CSMD1: variants seen among roughly 807,000 people sequenced by gnomAD.
CSMD1 encodes the protein CUB and Sushi multiple domains 1.
In CSMD1, 213 loss-of-function variants were observed where a neutral mutation model predicts 417.5. The ratio of observed to expected loss-of-function variants is 0.51; its 90% CI spans 0.46 to 0.57. CSMD1 has a LOEUF of 0.57. Ranked by LOEUF, CSMD1 falls within the 20% of genes least tolerant of loss-of-function variation. CSMD1 has a pLI of 0.00. For missense variants in CSMD1, 6,923 were observed against 4,529.7 expected, an observed-to-expected ratio of 1.53 and a Z score of -15.17; for synonymous variants, 2,862 against 1,736.8, an observed-to-expected ratio of 1.65 and a Z score of -16.11.
intron 41 of CSMD1, among the ~76,000 whole-genome samples, chr8:3,133,685 G>A (rs183733051): frequency 1.3e-5 from 2 of 152,238 alleles, no homozygotes; most frequent in East Asian, 1.9e-4. Context: ...TAGGCGAAGA[G>A]ACAGGAGGCT....
intron 25 of CSMD1, among the ~76,000 whole-genome samples, chr8:3,294,351 G>C (rs1803804010): frequency 6.6e-6 from 1 of 152,198 alleles, no homozygotes; most frequent in Admixed American, 6.5e-5. Flanking sequence ...CTTCAAAGCT[G>C]TCAGACAGGG....
chr8:4,742,619 A>G (rs1810694910), intron 1 of CSMD1, among the ~76,000 whole-genome samples: 1 of 152,130 alleles, frequency 6.6e-6, no homozygotes, highest in South Asian at 2.1e-4. Context: ...TTTTATTAAT[A>G]CTGCTTCTAT....
intron 3 of CSMD1, among the ~76,000 whole-genome samples, chr8:4,258,216 A>C (rs546017618): frequency 2.0e-5 from 3 of 149,286 alleles, no homozygotes; most frequent in Non-Finnish European, 4.4e-5. Flanking sequence ...AAGTTCTGAG[A>C]TTAAAGGCAT....
At chr8:4,904,193 A>G (rs1805084638) in intron 1 of CSMD1, among the ~76,000 whole-genome samples, 1 of 152,144 alleles carries the variant, frequency 6.6e-6, no homozygotes, top group African/African-American at 2.4e-5. Flanking sequence ...CTCTGGTCAT[A>G]ACATGATGAC....
chr8:3,351,427 A>G lies in CSMD1; in HGVS notation c.3305-3266T>C, dbSNP rs373767295. On this transcript the variant is annotated intron_variant, in intron 21 of 69. Transcript: ENST00000635120. ...GGAGTTGAAGACCAGCCTGGCCAAC[A>G]TGGTGAAATCCCGTCTCTACTAAAA... Among the ~76,000 whole-genome samples, 278 of 152,144 alleles carry G rather than the reference A, an allele frequency of 1.8e-3. 1 individual carries two copies. Among genetic ancestry groups the G allele is most frequent in the Non-Finnish European group, 1.9e-3 (129 of 67,986 alleles).
chr8:4,824,027 C>T (rs1227355515), intron 1 of CSMD1, among the ~76,000 whole-genome samples: 1 of 151,756 alleles, frequency 6.6e-6, no homozygotes, highest in Non-Finnish European at 1.5e-5. Flanking sequence ...CATGCACACA[C>T]AAACATCCAT....
At chr8:4,161,826 T>C (rs565477346) in intron 3 of CSMD1, among the ~76,000 whole-genome samples, 1 of 152,336 alleles carries the variant, frequency 6.6e-6, no homozygotes, top group African/African-American at 2.4e-5. Flanking sequence ...ATCTGCTATA[T>C]GATATGTCAC....
chr8:3,291,036 G>A (rs190467559), intron 25 of CSMD1, among the ~76,000 whole-genome samples: 5 of 151,994 alleles, frequency 3.3e-5, no homozygotes, highest in Non-Finnish European at 7.4e-5. Context: ...TAGCATGAAG[G>A]GTTGTTGAAT....
chr8:3,491,614 G>C (rs984181624), intron 11 of CSMD1, among the ~76,000 whole-genome samples: 1 of 152,182 alleles, frequency 6.6e-6, no homozygotes, highest in Admixed American at 6.5e-5. Context: ...GAATGAAGGA[G>C]TCGTGTCCCT....
At chr8:3,925,697 C>T (rs114755771) in intron 5 of CSMD1, among the ~76,000 whole-genome samples, 2,583 of 152,048 alleles carry the variant, frequency 0.017, 79 homozygotes, top group African/African-American at 0.059. Context: ...GCCACCACCA[C>T]GTAAGAAGTG....
intron 22 of CSMD1, 21 bp downstream of exon 22, chr8:3,347,971 G>A (rs1808123977): frequency 1.3e-6 from 2 of 1,534,066 alleles, no homozygotes; most frequent in South Asian, 1.3e-5. Flanking sequence ...GAGTCATCAT[G>A]TTGGAGAAGA....
In CSMD1 at chr8:4,303,143, T is replaced by C. The variant is rs905638272; in HGVS notation, c.415+116810A>G. Among the ~76,000 whole-genome samples, 62 of 152,158 alleles carry C rather than the reference T, an allele frequency of 4.1e-4. 1 individual carries two copies. The highest frequency in any genetic ancestry group is 5.9e-4 in the Non-Finnish European group (40 of 68,022). On this transcript the variant is annotated intron_variant, in intron 3 of 69. Coordinates refer to ENST00000635120, the MANE Select transcript of CSMD1 (RefSeq NM_033225.6). ...GGACATTATGATTTTCTCTAGGAAC[T>C]AAAACTTCCCTCAAACATATAATAG...
chr8:4,307,555 G>C (rs889101462), intron 3 of CSMD1, among the ~76,000 whole-genome samples: 1 of 152,140 alleles, frequency 6.6e-6, no homozygotes, highest in Non-Finnish European at 1.5e-5. Context: ...ATTTTAAAAT[G>C]TTGCCTCTGC....
chr8:4,749,183 AT>A (rs1811149478), intron 1 of CSMD1, among the ~76,000 whole-genome samples: 1 of 152,242 alleles, frequency 6.6e-6, no homozygotes, highest in Admixed American at 6.5e-5. Flanking sequence ...ATTGATTGAT[AT>A]GGATTAGAAT....
chr8:3,798,993 C>T (rs929606823), intron 5 of CSMD1, among the ~76,000 whole-genome samples: 8 of 151,744 alleles, frequency 5.3e-5, no homozygotes, highest in Non-Finnish European at 7.4e-5. Flanking sequence ...ATAAATATGC[C>T]ATATAAATGT....
chr8:4,013,355 G>A (rs752660627), intron 4 of CSMD1, among the ~76,000 whole-genome samples: 25 of 152,124 alleles, frequency 1.6e-4, no homozygotes, highest in Non-Finnish European at 2.9e-4. Context: ...ACACCTGGTT[G>A]ATCCCTCTGT....
intron 1 of CSMD1, among the ~76,000 whole-genome samples, chr8:4,833,209 G>C (rs1295781294): frequency 6.6e-6 from 1 of 152,176 alleles, no homozygotes; most frequent in East Asian, 1.9e-4. Flanking sequence ...AATTTATAAA[G>C]AAAAGTGGAT....
chr8:3,140,328 TCTC>T (rs1328877193), intron 41 of CSMD1, among the ~76,000 whole-genome samples: 10 of 94,276 alleles, frequency 1.1e-4, no homozygotes, highest in African/African-American at 4.9e-4. Flanking sequence ...TCTCTGATGT[TCTC>T]TCTCTCTCTC....
At chr8:3,511,846 A>C (rs887035666) in intron 10 of CSMD1, among the ~76,000 whole-genome samples, 18 of 151,938 alleles carry the variant, frequency 1.2e-4, no homozygotes, top group African/African-American at 4.3e-4. Context: ...AAATAAAAAT[A>C]TAATAAATGT....
Sources: allele counts gnomAD v4.1 joint callset (sites outside exome capture counted in the v4.1 genomes callset), GRCh38; gene constraint gnomAD v4.1.1; transcripts MANE v1.5; gene names NCBI Gene and HGNC (gene_info 2026-07-23, HGNC 2026-07-21).